The following WIPF3 variants were observed in gnomAD, a reference collection of about 807,000 sequenced individuals.
WIPF3 encodes WAS/WASL interacting protein family member 3, also known as WAS/WASL-interacting protein family member 3.
A neutral mutation model predicts 38.9 loss-of-function variants in WIPF3; 33 were observed. That is an observed-to-expected ratio of 0.85 (90% CI 0.64 to 1.14). The LOEUF is 1.14. Ranked by LOEUF, WIPF3 falls within the 50% of genes most tolerant of loss-of-function variation. WIPF3 has a pLI of 0.00. For synonymous variants in WIPF3, 324 were observed against 269.3 expected, an observed-to-expected ratio of 1.20 and a Z score of -1.99; for missense variants, 711 against 652.5, an observed-to-expected ratio of 1.09 and a Z score of -0.98.
intron 2 of WIPF3, among the ~76,000 whole-genome samples, chr7:29,868,998 G>A (rs1415521016): frequency 6.6e-6 from 1 of 151,722 alleles, no homozygotes; most frequent in East Asian, 1.9e-4. Flanking sequence ...CAACATCCTG[G>A]CAATCTTACC....
At chr7:29,853,772 A>G (rs1425932807) in intron 2 of WIPF3, among the ~76,000 whole-genome samples, 1 of 152,198 alleles carries the variant, frequency 6.6e-6, no homozygotes. Flanking sequence ...ATTATGGCTG[A>G]TGTGAAGACT....
At position 29,909,831 on chromosome 7, in the gene WIPF3, G is replaced by C. The variant is rs147428367; in HGVS notation, c.1429-4662G>C. Among the ~76,000 whole-genome samples, 463 of 151,896 alleles carry C rather than the reference G, an allele frequency of 3.0e-3. 3 individuals carry two copies. The highest frequency in any genetic ancestry group is 4.7e-3 in the Non-Finnish European group (320 of 67,958). On this transcript the variant is annotated intron_variant, in intron 8 of 8. Coordinates refer to ENST00000242140, the MANE Select transcript of WIPF3 (RefSeq NM_001080529.3). ...GATTGCTTGAGCCCAGGAGTTTGAG[G>C]CTGCAGTGAGCTATGGATTGCACCA... is the stretch of plus-strand genomic sequence containing the variant.
Position 29,884,361 on chromosome 7 carries a change from T to TAC in WIPF3, c.867_868insAC (p.Pro290ThrfsTer85). The TAC allele has an allele frequency of 7.6e-7, 1 of 1,317,926 alleles. No homozygotes were observed. Among genetic ancestry groups the TAC allele is most frequent in the Non-Finnish European group, 9.8e-7 (1 of 1,017,960 alleles). 81.6% of individuals were successfully genotyped at this position (1,317,926 alleles called of 1,614,324 possible). On this transcript the variant is annotated frameshift_variant, in exon 5 of 9. Coordinates refer to ENST00000242140, the MANE Select transcript of WIPF3 (RefSeq NM_001080529.3). LOFTEE classifies it high-confidence loss of function. ...GCCCTGCGCAAGATGCGCAGGAGCC[T>TAC]CCCGCCCCGCCGCCCCCGCTCCCCC...
At chr7:29,862,107 T>C (rs1785293793) in intron 2 of WIPF3, among the ~76,000 whole-genome samples, 1 of 152,142 alleles carries the variant, frequency 6.6e-6, no homozygotes, top group African/African-American at 2.4e-5. Flanking sequence ...TGGCACTCCA[T>C]GGTGTCCACG....
chr7:29,876,035 C>G lies in WIPF3; in HGVS notation c.223+73C>G, dbSNP rs1583614346. 6 of 1,563,502 alleles carry G rather than the reference C, an allele frequency of 3.8e-6. No homozygotes were observed. In the East Asian group the frequency reaches 9.1e-5, roughly 24 times the overall value. On this transcript the variant is annotated intron_variant, in intron 3 of 8. Coordinates refer to ENST00000242140, the MANE Select transcript of WIPF3 (RefSeq NM_001080529.3). The stretch of plus-strand genomic sequence containing the variant: ...GGCATGTGAGGCACAGCCAGACACC[C>G]CTGGCTGGGGCCACAGCTGCTTCCC...
chr7:29,855,233 A>G (rs1456697693), intron 2 of WIPF3, among the ~76,000 whole-genome samples: 1 of 152,232 alleles, frequency 6.6e-6, no homozygotes, highest in Non-Finnish European at 1.5e-5. Flanking sequence ...GTGCTCATAC[A>G]TGGATGTGGA....
At chr7:29,867,317 G>A (rs200866268) in intron 2 of WIPF3, among the ~76,000 whole-genome samples, 1 of 152,188 alleles carries the variant, frequency 6.6e-6, no homozygotes, top group Non-Finnish European at 1.5e-5. Context: ...CTGGATGAAT[G>A]GGGAGAAGCC....
chr7:29,879,839 A>G (rs1785679663), intron 4 of WIPF3, among the ~76,000 whole-genome samples: 1 of 152,230 alleles, frequency 6.6e-6, no homozygotes, highest in Middle Eastern at 3.2e-3. Flanking sequence ...GAGAGAAGAC[A>G]GAAGTATAAA....
chr7:29,894,761 T>G (rs997348538), intron 7 of WIPF3, among the ~76,000 whole-genome samples: 3 of 110,936 alleles, frequency 2.7e-5, no homozygotes, highest in Admixed American at 2.5e-4. Context: ...TGTCTCTCTT[T>G]CTGACACACA....
At chr7:29,874,217 A>G (rs1167858329) in intron 2 of WIPF3, among the ~76,000 whole-genome samples, 2 of 151,976 alleles carry the variant, frequency 1.3e-5, no homozygotes, top group Non-Finnish European at 2.9e-5. Context: ...GGTCTAGTTC[A>G]TTCATTCACT....
intron 4 of WIPF3, among the ~76,000 whole-genome samples, chr7:29,882,058 T>G (rs1408823472): frequency 6.6e-6 from 1 of 152,258 alleles, no homozygotes; most frequent in African/African-American, 2.4e-5. Context: ...CTGAGGGGCA[T>G]GCCCGCCCTC....
Position 29,914,610 on chromosome 7 carries a change from A to G in WIPF3, c.*94A>G, listed in dbSNP as rs1012937935. On this transcript the variant is annotated 3_prime_UTR_variant, in exon 9 of 9. Coordinates refer to ENST00000242140, the MANE Select transcript of WIPF3 (RefSeq NM_001080529.3). ...ATGCTCAAGCTGTAATTCAGTTGGC[A>G]TACAGGCTTGGAATTGAGAATTTAT... is the stretch of plus-strand genomic sequence containing the variant. 5.6e-6 allele frequency: 5 copies of G among 891,100 alleles called. No homozygotes were observed. The African/African-American group carries it at 8.8e-5, about 16-fold the overall frequency. The allele number at this position is 891,100 out of a possible 1,614,324, so 55.2% of individuals were successfully genotyped here.
chr7:29,912,215 A>G (rs1472221261), intron 8 of WIPF3, among the ~76,000 whole-genome samples: 2 of 152,364 alleles, frequency 1.3e-5, no homozygotes, highest in South Asian at 2.1e-4. Context: ...AAAAATCAAA[A>G]TTACAATGAG....
chr7:29,854,764 G>A (rs892807127), intron 2 of WIPF3, among the ~76,000 whole-genome samples: 7 of 152,136 alleles, frequency 4.6e-5, no homozygotes, highest in Admixed American at 1.3e-4. Context: ...TTCCAATGTC[G>A]AAATCCTAAC....
chr7:29,826,248 T>C (rs1390851483), intron 1 of WIPF3, among the ~76,000 whole-genome samples: 2 of 152,218 alleles, frequency 1.3e-5, no homozygotes, highest in African/African-American at 4.8e-5. Context: ...TGTGTGGAGA[T>C]GGTGCCTTTC....
intron 1 of WIPF3, among the ~76,000 whole-genome samples, chr7:29,830,335 A>G: frequency 6.6e-6 from 1 of 152,130 alleles, no homozygotes. Context: ...AAGGGTCTCA[A>G]AAATATTTTT....
At chr7:29,826,876 A>G (rs560734245) in intron 1 of WIPF3, among the ~76,000 whole-genome samples, 1 of 152,208 alleles carries the variant, frequency 6.6e-6, no homozygotes, top group Non-Finnish European at 1.5e-5. Context: ...GGAGCCTGAC[A>G]CTCTGGGTTT....
At chr7:29,864,836 C>T (rs1262410667) in intron 2 of WIPF3, among the ~76,000 whole-genome samples, 1 of 152,156 alleles carries the variant, frequency 6.6e-6, no homozygotes, top group East Asian at 1.9e-4. Context: ...GAATGTGTTC[C>T]ATTCTTTTCT....
chr7:29,893,271 T>C (rs1786064248), intron 7 of WIPF3, among the ~76,000 whole-genome samples: 1 of 151,812 alleles, frequency 6.6e-6, no homozygotes, highest in Non-Finnish European at 1.5e-5. Flanking sequence ...ATGGGATTCC[T>C]GTCATTTATG....
Sources: allele counts gnomAD v4.1 joint callset (sites outside exome capture counted in the v4.1 genomes callset), GRCh38; gene constraint gnomAD v4.1.1; transcripts MANE v1.5; gene names NCBI Gene and HGNC (gene_info 2026-07-23, HGNC 2026-07-21).